The following PCDH15 variants were observed in gnomAD, a reference collection of about 807,000 sequenced individuals.
PCDH15 encodes the protein protocadherin related 15.
A neutral mutation model predicts 178.5 loss-of-function variants in PCDH15; 129 were observed. The ratio of observed to expected loss-of-function variants is 0.72; its 90% CI spans 0.63 to 0.84. The LOEUF is 0.84. PCDH15 is among the 40% of genes least tolerant of loss of function. The probability of loss-of-function intolerance (pLI) is 0.00; values close to 1 mark genes in which losing one functional copy is unlikely to be tolerated. For synonymous variants in PCDH15, 800 were observed against 732.0 expected (o/e 1.09, Z -1.50); for missense variants, 2,230 against 2,099.9 (o/e 1.06, Z -1.21).
chr10:54,987,237 T>C (rs1839393667), intron 2 of PCDH15, among the ~76,000 whole-genome samples: 1 of 152,210 alleles, frequency 6.6e-6, no homozygotes, highest in Non-Finnish European at 1.5e-5. Context: ...GGGGTGTATG[T>C]GCCATATTTG....
chr10:53,927,506 A>G (rs1313726124), intron 25 of PCDH15, among the ~76,000 whole-genome samples: 1 of 152,152 alleles, frequency 6.6e-6, no homozygotes, highest in Non-Finnish European at 1.5e-5. Context: ...TTTGGACAAA[A>G]TCAATCATGA....
chr10:54,067,619 C>A (rs1415859943), intron 17 of PCDH15, among the ~76,000 whole-genome samples: 1 of 152,152 alleles, frequency 6.6e-6, no homozygotes, highest in Non-Finnish European at 1.5e-5. Context: ...TAATCAAAGC[C>A]TGAGTACAGC....
At chr10:55,497,516 T>C (rs1840561907) in intron 2 of PCDH15, among the ~76,000 whole-genome samples, 1 of 151,794 alleles carries the variant, frequency 6.6e-6, no homozygotes, top group South Asian at 2.1e-4. Flanking sequence ...GATGACTTGA[T>C]CATTAATAAT....
At chr10:53,899,523 C>G (rs1443231341) in intron 26 of PCDH15, among the ~76,000 whole-genome samples, 9 of 152,116 alleles carry the variant, frequency 5.9e-5, no homozygotes, top group African/African-American at 2.2e-4. Context: ...TCTTCTTTCC[C>G]TTCTTACACA....
chr10:55,471,393 A>G (rs1449120414), intron 2 of PCDH15, among the ~76,000 whole-genome samples: 2 of 152,242 alleles, frequency 1.3e-5, no homozygotes, highest in African/African-American at 4.8e-5. Flanking sequence ...CATATAATTT[A>G]TGAATAAGTC....
rs1554833585 is a variant in PCDH15, at chr10:55,130,723, G to GTA, written c.-80+35852_-80+35853insTA. ...TGTGTGTGTGTGTGTGTGTGTGTGT[G>GTA]TGTATATACATTAAGCCATAACTAG... On this transcript the variant is annotated intron_variant, in intron 2 of 5. Transcript: ENST00000458638. Among the ~76,000 whole-genome samples, 1,021 of 150,430 alleles carry GTA rather than the reference G, an allele frequency of 6.8e-3. 18 individuals carry two copies. The highest frequency in any genetic ancestry group is 0.023 in the African/African-American group (944 of 40,762).
At chr10:53,818,436 A>G (rs1388074171) in intron 33 of PCDH15, 1 of 153,128 alleles carries the variant, frequency 6.5e-6, no homozygotes, top group East Asian at 1.9e-4. Context: ...ACATAGGATG[A>G]AAATTATGTC....
chr10:53,999,730 C>T (rs1168510683), intron 20 of PCDH15, among the ~76,000 whole-genome samples: 1 of 152,178 alleles, frequency 6.6e-6, no homozygotes, highest in East Asian at 1.9e-4. Flanking sequence ...AAGGTTTTGA[C>T]TTCCAGACGG....
At chr10:54,659,830 G>A (rs1230510445) in intron 2 of PCDH15, among the ~76,000 whole-genome samples, 1 of 151,030 alleles carries the variant, frequency 6.6e-6, no homozygotes, top group Non-Finnish European at 1.5e-5. Context: ...ACTTGCTACT[G>A]AATGATTTTA....
intron 2 of PCDH15, among the ~76,000 whole-genome samples, chr10:54,945,602 A>G (rs1045644247): frequency 6.6e-6 from 1 of 151,632 alleles, no homozygotes; most frequent in Admixed American, 6.6e-5. Flanking sequence ...AATTGGAACC[A>G]TGGTATTAAA....
chr10:54,411,215 T>A (rs1233725259), intron 3 of PCDH15, among the ~76,000 whole-genome samples: 4 of 57,082 alleles, frequency 7.0e-5, no homozygotes, highest in African/African-American at 1.6e-4. Context: ...TATATTCCAG[T>A]TATATATAGG....
At chr10:55,456,755 G>A (rs965503983) in intron 2 of PCDH15, among the ~76,000 whole-genome samples, 1 of 151,744 alleles carries the variant, frequency 6.6e-6, no homozygotes, top group African/African-American at 2.4e-5. Flanking sequence ...AGCCTTGTCT[G>A]GTTCTGAAAA....
intron 14 of PCDH15, among the ~76,000 whole-genome samples, chr10:54,152,586 A>G (rs767237078): frequency 5.5e-4 from 82 of 149,226 alleles, no homozygotes; most frequent in Non-Finnish European, 8.5e-4. Context: ...TTGGAATGAT[A>G]CTGAAAATCT....
chr10:54,998,926 C>T (rs1839719162), intron 2 of PCDH15, among the ~76,000 whole-genome samples: 1 of 152,074 alleles, frequency 6.6e-6, no homozygotes, highest in African/African-American at 2.4e-5. Context: ...AGCACTGTAG[C>T]CTCCGATGTA....
intron 1 of PCDH15, among the ~76,000 whole-genome samples, chr10:54,689,500 C>CATTA (rs1251025793): frequency 1.3e-5 from 2 of 152,120 alleles, no homozygotes; most frequent in Non-Finnish European, 2.9e-5. Flanking sequence ...CTACTTTCCT[C>CATTA]ATTAACTTAC....
rs986432140 is a variant in PCDH15, at chr10:55,032,222, G to A, written c.-80+134354C>T. ...GATGGAAATGAGGAATATCTTATTG[G>A]AATTTGTAGAAAAGGCTATCCTGGT... On this transcript the variant is annotated intron_variant, in intron 2 of 5. Coordinates refer to the PCDH15 transcript ENST00000458638. 7.2e-5 allele frequency among the ~76,000 whole-genome samples: 11 copies of A among 152,258 alleles called. No homozygotes were observed. In the South Asian group the frequency reaches 2.3e-3, roughly 32 times the overall value.
At chr10:53,810,487 C>T (rs1303803330) in intron 37 of PCDH15, 69 bp downstream of exon 37, 1 of 1,367,702 alleles carries the variant, frequency 7.3e-7, no homozygotes, top group East Asian at 2.3e-5. Flanking sequence ...TCTACAGCCG[C>T]TAGTCACGTA....
intron 14 of PCDH15, among the ~76,000 whole-genome samples, chr10:54,148,490 A>T (rs1011507269): frequency 1.3e-5 from 2 of 152,076 alleles, no homozygotes; most frequent in African/African-American, 2.4e-5. Context: ...TGACAAAAAA[A>T]GTCTGCGCAT....
intron 2 of PCDH15, among the ~76,000 whole-genome samples, chr10:55,604,611 A>C (rs1471699132): frequency 1.3e-5 from 2 of 148,788 alleles, no homozygotes; most frequent in African/African-American, 5.0e-5. Flanking sequence ...CCGCTCAACT[A>C]CATGGAAACT....
Sources: allele counts gnomAD v4.1 joint callset (sites outside exome capture counted in the v4.1 genomes callset), GRCh38; gene constraint gnomAD v4.1.1; transcripts MANE v1.5; gene names NCBI Gene and HGNC (gene_info 2026-07-23, HGNC 2026-07-21).